Variants in MFGE8 observed in about 807,000 individuals in gnomAD.
MFGE8 encodes milk fat globule EGF and factor V/VIII domain containing, also known as lactadherin.
In MFGE8, 34 loss-of-function variants were observed where a neutral mutation model predicts 42.6. The observed-to-expected ratio is 0.80, with a 90% CI of 0.61 to 1.06. The LOEUF (loss-of-function observed/expected upper bound fraction) is 1.06, where lower values mean the gene tolerates loss of function less well. Ranked by LOEUF, MFGE8 falls within the 50% of genes least tolerant of loss-of-function variation. The pLI is 0.00. For missense variants in MFGE8, 510 were observed against 516.9 expected (o/e 0.99, Z 0.13); for synonymous variants, 230 against 214.8 (o/e 1.07, Z -0.62).
Position 88,905,442 on chromosome 15 carries a change from A to T in MFGE8, c.685+315T>A, listed in dbSNP as rs74816355. 1,908 of 550,196 alleles carry T rather than the reference A, an allele frequency of 3.5e-3. 32 individuals are homozygous for T. The highest frequency in any genetic ancestry group is 0.03 in the African/African-American group (1,623 of 53,700). The allele number at this position is 550,196 out of a possible 1,614,324, so 34.1% of individuals were successfully genotyped here. ...TGCCCTCGTAAAGCTGACATCTGCC[A>T]AACACACCTAACGCTACATGTTCTA... On this transcript the variant is annotated intron_variant, in intron 5 of 7. Transcript: ENST00000268150. This position sits in a 1 kb window ranked among gnomAD's most constrained non-coding sequence, Gnocchi z 6.6.
In MFGE8 at chr15:88,905,805, G is replaced by A. The variant is rs771527057; in HGVS notation, c.637C>T (p.His213Tyr). The A allele has an allele frequency of 3.1e-6, 5 of 1,614,076 alleles. No individual in the cohort carries two copies. Among genetic ancestry groups the A allele is most frequent in the Non-Finnish European group, 4.2e-6 (5 of 1,180,044 alleles). The change falls in exon 5 of 8, where the codon CAC becomes TAC. Residue 213 changes from histidine (H) to tyrosine (Y), a missense_variant. By Grantham distance (83) the His-to-Tyr change is moderately conservative. Transcript: ENST00000268150. The surrounding 1 kb of genome is among the most constrained non-coding windows in gnomAD (Gnocchi z 6.6). ...QYVRLYPTSC[H>Y]TACTLRFELL... is the part of the protein sequence containing the mutation. ...TCAAAGCGCAGAGTGCAGGCCGTGT[G>A]GCAGCTCGTGGGGTACAATCTCACG...
At position 88,903,039 on chromosome 15, in the gene MFGE8, C is replaced by CCA. The variant is rs1452652644; in HGVS notation, c.686-1306_686-1305dup. Reference sequence around the variant, plus strand: ...CTCCTGATGGTGATGCACCAGGGAACCACCACCTTCCCCCTCAAAGAGAGG... The same window carrying CCA: ...CTCCTGATGGTGATGCACCAGGGAACCACACCACCTTCCCCCTCAAAGAGAGG... On this transcript the variant is annotated intron_variant, in intron 5 of 7. Coordinates refer to ENST00000268150, the MANE Select transcript of MFGE8 (RefSeq NM_005928.4). This position sits in a 1 kb window ranked among gnomAD's most constrained non-coding sequence, Gnocchi z 4.9. The CCA allele has an allele frequency of 2.6e-5, 4 of 152,182 alleles. No homozygotes were observed. Among genetic ancestry groups the CCA allele is most frequent in the Admixed American group, 2.6e-4 (4 of 15,264 alleles). The allele number at this position is 152,182 out of a possible 1,614,324, so 9.4% of individuals were successfully genotyped here. A position where few individuals can be genotyped will look rare whatever the true frequency, so the allele number is the denominator to read the frequency against.
intron 6 of MFGE8, among the ~76,000 whole-genome samples, chr15:88,901,049 ACACATACACATT>A (rs550712972): frequency 0.018 from 2,736 of 149,690 alleles, 353 homozygotes; most frequent in African/African-American, 0.063. Context: ...ACACACATTC[ACACATACACATT>A]CACATACACA....
intron 5 of MFGE8, chr15:88,904,772 T>C (rs182855230): frequency 1.3e-5 from 2 of 152,268 alleles, no homozygotes; most frequent in East Asian, 3.9e-4. Context: ...TGAGGGGTAT[T>C]TGGGTGGTGT....
At position 88,909,921 on chromosome 15, in the gene MFGE8, T is replaced by A. The variant is rs143117049; in HGVS notation, c.76A>T (p.Ile26Phe). Residue 26 changes from isoleucine (I) to phenylalanine (F), a missense_variant and splice_region_variant, in exon 2 of 8, where the codon ATC (isoleucine) becomes TTC (phenylalanine). Coordinates refer to ENST00000268150, the MANE Select transcript of MFGE8 (RefSeq NM_005928.4). ...TTGTGGCAGGGGTTTTTGGAACAGA[T>A]ATCTGGGGACAGAGACAGGTAAGAT... is the stretch of plus-strand genomic sequence containing the variant. ...CAPSLLVALD[I>F]CSKNPCHNGG... is the part of the protein sequence containing the mutation. The A allele has an allele frequency of 6.2e-7, 1 of 1,614,014 alleles. No homozygotes were observed. The highest frequency in any genetic ancestry group is 2.2e-5 in the East Asian group (1 of 44,866).
Position 88,901,743 on chromosome 15 carries a change from C to T in MFGE8, c.686-8G>A, listed in dbSNP as rs755126932. 1.2e-6 allele frequency: 2 copies of T among 1,613,884 alleles called. No homozygotes were observed. The highest frequency in any genetic ancestry group is 4.5e-5 in the East Asian group (2 of 44,876). On this transcript the variant is annotated splice_region_variant and splice_polypyrimidine_tract_variant and intron_variant, in intron 5 of 7. Coordinates refer to ENST00000268150, the MANE Select transcript of MFGE8 (RefSeq NM_005928.4). ...CCAGGGGATTGGCGCATCCTGCCAG[C>T]AAGGTGGGCTGTCATCTGGATCTGG...
At chr15:88,908,236 C>T (rs950211066) in intron 2 of MFGE8, among the ~76,000 whole-genome samples, 1 of 152,178 alleles carries the variant, frequency 6.6e-6, no homozygotes, top group South Asian at 2.1e-4. Flanking sequence ...AAGCAGAGAA[C>T]CCACAGACAG....
chr15:88,901,517 A>AACCC, intron 6 of MFGE8, 34 bp downstream of exon 6: 17 of 1,072,596 alleles, frequency 1.6e-5, no homozygotes, highest in Non-Finnish European at 2.4e-5. Flanking sequence ...ATCCCACCCA[A>AACCC]CCCCAGCCCC....
Position 88,907,387 on chromosome 15 carries a change from G to A in MFGE8, c.206-11C>T. ...GTGGCTCGACACATTCTGAGGGAAG[G>A]GAGGTGGCAGTCAGGTGGCTACCCC... On this transcript the variant is annotated splice_polypyrimidine_tract_variant and intron_variant, in intron 2 of 7. Coordinates refer to ENST00000268150, the MANE Select transcript of MFGE8 (RefSeq NM_005928.4). 1 of 1,613,982 alleles carries A rather than the reference G, an allele frequency of 6.2e-7. No individual in the cohort carries two copies. Among genetic ancestry groups the A allele is most frequent in the Non-Finnish European group, 8.5e-7 (1 of 1,179,882 alleles).
At position 88,906,860 on chromosome 15, in the gene MFGE8, C is replaced by G; in HGVS notation, c.388-82G>C. The G allele has an allele frequency of 6.5e-7, 1 of 1,546,492 alleles. No homozygotes were observed. Among genetic ancestry groups the G allele is most frequent in the Admixed American group, 1.7e-5 (1 of 59,516 alleles). On this transcript the variant is annotated intron_variant, in intron 3 of 7. Coordinates refer to ENST00000268150, the MANE Select transcript of MFGE8 (RefSeq NM_005928.4). This position sits in a 1 kb window ranked among gnomAD's most constrained non-coding sequence, Gnocchi z 4.2. ...ATCCAAGCAGACCCATCCCTTCACTCCCCCACTGGGTGGGGGAACAACTCA... is the reference window on the plus strand; with the variant it reads ...ATCCAAGCAGACCCATCCCTTCACTGCCCCACTGGGTGGGGGAACAACTCA...
chr15:88,900,466 G>A (rs1266490027), intron 6 of MFGE8, among the ~76,000 whole-genome samples: 6 of 152,288 alleles, frequency 3.9e-5, no homozygotes, highest in Middle Eastern at 3.4e-3. Context: ...TCCCTGCGGC[G>A]CCGCCCACAG....
intron 1 of MFGE8, chr15:88,912,772 C>T (rs1171976154): frequency 5.1e-6 from 5 of 985,398 alleles, no homozygotes; most frequent in South Asian, 4.7e-5. Context: ...TGACCAGGCA[C>T]GGACAATTGG....
Position 88,906,141 on chromosome 15 carries a change from T to C in MFGE8, c.541-240A>G, listed in dbSNP as rs1898664764. 2 of 576,096 alleles carry C rather than the reference T, an allele frequency of 3.5e-6. No homozygotes were observed. Among genetic ancestry groups the C allele is most frequent in the South Asian group, 4.0e-5 (2 of 50,434 alleles). 35.7% of individuals were successfully genotyped at this position (576,096 alleles called of 1,614,324 possible). ...CATGGAGCCTGGGCATAAACCCCTA[T>C]AGCTGACACAGGGCCACCTGTAACC... On this transcript the variant is annotated intron_variant, in intron 4 of 7. Transcript: ENST00000268150. The surrounding 1 kb of genome is among the most constrained non-coding windows in gnomAD (Gnocchi z 4.2).
At chr15:88,908,420 C>A (rs1282523208) in intron 2 of MFGE8, among the ~76,000 whole-genome samples, 3 of 152,218 alleles carry the variant, frequency 2.0e-5, no homozygotes, top group African/African-American at 7.2e-5. Context: ...CCACCACGCT[C>A]ACACCCTGAA....
intron 1 of MFGE8, chr15:88,912,022 T>C (rs1898985338): frequency 1.1e-6 from 1 of 920,080 alleles, no homozygotes; most frequent in South Asian, 1.4e-5. Flanking sequence ...AATGGACTCT[T>C]CCCTCCCAAC....
chr15:88,899,477 G>A lies in MFGE8; in HGVS notation c.1082C>T (p.Pro361Leu), dbSNP rs760088493. The change falls in exon 8 of 8, where the codon CCC becomes CTC. Residue 361 changes from proline to leucine, a missense_variant. By Grantham distance (98) the Pro-to-Leu change is moderately conservative (BLOSUM62 -3). Transcript: ENST00000268150. The surrounding 1 kb of genome is among the most constrained non-coding windows in gnomAD (Gnocchi z 6.8). ...HSHKKNLFET[P>L]ILARYVRILP... ...GATGCGCACATAGCGAGCCAGGATG[G>A]GCGTCTCAAACAAGTTCTTCTTGTG... The A allele has an allele frequency of 6.2e-7, 1 of 1,614,214 alleles. No individual in the cohort carries two copies. The highest frequency in any genetic ancestry group is 2.2e-5 in the East Asian group (1 of 44,882).
chr15:88,900,274 ATAAAT>A (rs1486222747), intron 6 of MFGE8, among the ~76,000 whole-genome samples: 1 of 150,614 alleles, frequency 6.6e-6, no homozygotes, highest in East Asian at 1.9e-4. Flanking sequence ...GTGAGGGGGC[ATAAAT>A]AATACCACCT....
At position 88,905,689 on chromosome 15, in the gene MFGE8, G is replaced by C; in HGVS notation, c.685+68C>G. The C allele has an allele frequency of 5.6e-6, 9 of 1,605,236 alleles. No individual in the cohort carries two copies. Among genetic ancestry groups the C allele is most frequent in the Non-Finnish European group, 6.8e-6 (8 of 1,174,172 alleles). ...CTAGCTCAGTTTGGCTGAGAAAAGA[G>C]GCAGCAGGGAGGGCCACCTCCTAGG... On this transcript the variant is annotated intron_variant, in intron 5 of 7. Transcript: ENST00000268150. The surrounding 1 kb of genome is among the most constrained non-coding windows in gnomAD (Gnocchi z 6.6).
intron 2 of MFGE8, 41 bp from the exon 3 acceptor site, chr15:88,907,417 G>C (rs1404252937): frequency 6.3e-7 from 1 of 1,595,870 alleles, no homozygotes; most frequent in Non-Finnish European, 8.6e-7. Context: ...TACCCCAGCA[G>C]GTTCCCGGGC....
Sources: gnomAD v4.1 joint callset for allele counts (sites outside exome capture counted in the v4.1 genomes callset) on GRCh38, gnomAD v4.1.1 for gene constraint, Gnocchi (gnomAD v3.1) non-coding constraint, MANE v1.5 for transcripts, NCBI Gene and HGNC (gene_info 2026-07-23, HGNC 2026-07-21) for gene names.